ADARB1: variants seen among roughly 807,000 people sequenced by gnomAD.
ADARB1 encodes double-stranded RNA-specific editase 1.
Under a neutral mutation model 52.4 loss-of-function variants are expected in ADARB1, and 10 were observed. That is an observed-to-expected ratio of 0.19 (90% CI 0.12 to 0.32). The LOEUF is 0.32. Ranked by LOEUF, ADARB1 falls within the 10% of genes least tolerant of loss-of-function variation. ADARB1 has a pLI of 1.00. For synonymous variants in ADARB1, 349 were observed against 371.1 expected (o/e 0.94, Z 0.68); for missense variants, 643 against 922.3 (o/e 0.70, Z 3.92).
intron 7 of ADARB1, 64 bp downstream of exon 7, chr21:45,183,574 C>T (rs1017117643): frequency 2.7e-5 from 42 of 1,554,960 alleles, no homozygotes; most frequent in Non-Finnish European, 3.5e-5. Context: ...AAAAACTAAC[C>T]TGTGTTAATA....
At chr21:45,189,779 C>T (rs2092229559) in intron 8 of ADARB1, among the ~76,000 whole-genome samples, 2 of 149,260 alleles carry the variant, frequency 1.3e-5, no homozygotes, top group South Asian at 2.2e-4. Flanking sequence ...TCATTCCACT[C>T]CTTTCTGGCT....
intron 8 of ADARB1, among the ~76,000 whole-genome samples, chr21:45,190,335 G>C (rs1157100483): frequency 6.6e-6 from 1 of 151,970 alleles, no homozygotes; most frequent in Non-Finnish European, 1.5e-5. Flanking sequence ...TTTTGTTCTT[G>C]CTAAGTTTTT....
chr21:45,098,530 A>G (rs2086864986), intron 1 of ADARB1, among the ~76,000 whole-genome samples: 1 of 152,088 alleles, frequency 6.6e-6, no homozygotes, highest in African/African-American at 2.4e-5. Context: ...CTAGGTTCTC[A>G]GTGGAGGGTG....
At chr21:45,080,401 C>T (rs2086108103) in intron 1 of ADARB1, among the ~76,000 whole-genome samples, 1 of 152,122 alleles carries the variant, frequency 6.6e-6, no homozygotes, top group African/African-American at 2.4e-5. Context: ...GCAGGAAGAG[C>T]AGGGATGCTC....
chr21:45,114,256 C>T (rs2087709402), intron 1 of ADARB1, among the ~76,000 whole-genome samples: 2 of 152,188 alleles, frequency 1.3e-5, no homozygotes, highest in Admixed American at 1.3e-4. Context: ...GGAAGCATGG[C>T]TTATCAGCTG....
intron 5 of ADARB1, among the ~76,000 whole-genome samples, chr21:45,182,274 C>T (rs1248818616): frequency 6.6e-6 from 1 of 152,176 alleles, no homozygotes; most frequent in African/African-American, 2.4e-5. Context: ...TAGTTGTGGG[C>T]ATTCAAGAAA....
intron 9 of ADARB1, among the ~76,000 whole-genome samples, chr21:45,214,393 C>G (rs2092824668): frequency 6.6e-6 from 1 of 152,146 alleles, no homozygotes; most frequent in Non-Finnish European, 1.5e-5. Context: ...TTGACAAAAT[C>G]TAATTTATAG....
chr21:45,084,223 TAATC>T (rs1163227226), intron 1 of ADARB1, among the ~76,000 whole-genome samples: 1 of 152,244 alleles, frequency 6.6e-6, no homozygotes, highest in Admixed American at 6.5e-5. Context: ...CAGAGTCAAA[TAATC>T]ATTCATTCAG....
chr21:45,186,947 G>T (rs1601843325), intron 8 of ADARB1, among the ~76,000 whole-genome samples: 1 of 152,228 alleles, frequency 6.6e-6, no homozygotes, highest in East Asian at 1.9e-4. Context: ...AATATGTTTT[G>T]AAATGAGGAA....
chr21:45,175,079 C>T (rs1289659819), intron 3 of ADARB1, among the ~76,000 whole-genome samples: 1 of 152,122 alleles, frequency 6.6e-6, no homozygotes, highest in Non-Finnish European at 1.5e-5. Context: ...CCCTCCTAAA[C>T]ACAACAACTA....
At chr21:45,178,575 G>A (rs2091797962) in intron 4 of ADARB1, among the ~76,000 whole-genome samples, 1 of 152,174 alleles carries the variant, frequency 6.6e-6, no homozygotes, top group South Asian at 2.1e-4. Context: ...GGGCTTTGTT[G>A]GTGGGCTCTA....
At chr21:45,089,829 CA>C (rs1443087793) in intron 1 of ADARB1, among the ~76,000 whole-genome samples, 1 of 152,208 alleles carries the variant, frequency 6.6e-6, no homozygotes, top group Non-Finnish European at 1.5e-5. Flanking sequence ...GTTGTGTCCA[CA>C]GCTTGTCATT....
intron 1 of ADARB1, among the ~76,000 whole-genome samples, chr21:45,104,106 T>C (rs1326039163): frequency 6.6e-6 from 1 of 152,192 alleles, no homozygotes; most frequent in Non-Finnish European, 1.5e-5. Context: ...TCGTATACTT[T>C]TTCACAAGTG....
At chr21:45,090,570 G>A (rs188922011) in intron 1 of ADARB1, among the ~76,000 whole-genome samples, 58 of 152,186 alleles carry the variant, frequency 3.8e-4, no homozygotes, top group Non-Finnish European at 7.2e-4. Context: ...AAATGTGACA[G>A]TCTTCTCTCA....
At chr21:45,147,608 T>C (rs1260296709) in intron 2 of ADARB1, among the ~76,000 whole-genome samples, 8 of 152,164 alleles carry the variant, frequency 5.3e-5, no homozygotes, top group Non-Finnish European at 5.9e-5. Context: ...GGTCATCTTA[T>C]CTGTCTCAGG....
intron 2 of ADARB1, among the ~76,000 whole-genome samples, chr21:45,171,178 G>A (rs2091466769): frequency 6.6e-6 from 1 of 152,194 alleles, no homozygotes; most frequent in Non-Finnish European, 1.5e-5. Context: ...AGTCCATCCT[G>A]CAGCAGGCGT....
chr21:45,094,831 G>C (rs919917972), intron 1 of ADARB1, among the ~76,000 whole-genome samples: 4 of 152,070 alleles, frequency 2.6e-5, no homozygotes, highest in African/African-American at 9.7e-5. Flanking sequence ...CAGATGTAAA[G>C]TCATAACTGT....
rs2092634965 is a variant in ADARB1, at chr21:45,204,836, T to G, written c.1747+100T>G. ...AACACCACCTGAGCTGCTCTGTGGC[T>G]ATCAAAAGAACATCAGAGTCCTTCT... is the stretch of plus-strand genomic sequence containing the variant. On this transcript the variant is annotated intron_variant, in intron 9 of 10. Transcript: ENST00000348831. The surrounding 1 kb of genome is among the most constrained non-coding windows in gnomAD (Gnocchi z 4.4). 1.6e-6 allele frequency: 2 copies of G among 1,283,104 alleles called. No homozygotes were observed. Among genetic ancestry groups the G allele is most frequent in the East Asian group, 5.0e-5 (2 of 40,082 alleles). 79.5% of individuals were successfully genotyped at this position (1,283,104 alleles called of 1,614,324 possible).
chr21:45,118,304 C>G (rs1339080045), intron 1 of ADARB1, among the ~76,000 whole-genome samples: 1 of 152,104 alleles, frequency 6.6e-6, no homozygotes, highest in African/African-American at 2.4e-5. Flanking sequence ...TGCTGGAGCA[C>G]CTCCTTAATC....
Sources: gnomAD v4.1 joint callset for allele counts (sites outside exome capture counted in the v4.1 genomes callset) on GRCh38, gnomAD v4.1.1 for gene constraint, Gnocchi (gnomAD v3.1) non-coding constraint, MANE v1.5 for transcripts, NCBI Gene and HGNC (gene_info 2026-07-23, HGNC 2026-07-21) for gene names.